Variants in EPHA5 observed in about 807,000 individuals in gnomAD.
EPHA5 encodes the protein ephrin type-A receptor 5.
EPHA5 carries 60 observed loss-of-function variants against 105.0 expected under a neutral mutation model. That is an observed-to-expected ratio of 0.57 (90% confidence interval 0.46 to 0.71). The LOEUF (loss-of-function observed/expected upper bound fraction) is 0.71. Ranked by LOEUF, EPHA5 falls within the 30% of genes least tolerant of loss-of-function variation. The probability of loss-of-function intolerance (pLI) is 0.00; values close to 1 mark genes in which losing one functional copy is unlikely to be tolerated. For missense variants in EPHA5, 1,218 were observed against 1,274.7 expected (o/e 0.96, Z 0.68); for synonymous variants, 513 against 449.1 (o/e 1.14, Z -1.80).
intron 1 of EPHA5, among the ~76,000 whole-genome samples, chr4:65,664,362 G>A (rs937049221): frequency 5.3e-5 from 8 of 151,768 alleles, no homozygotes; most frequent in Non-Finnish European, 1.0e-4. Flanking sequence ...TATCTCTAAT[G>A]CATCTCACTC....
At position 65,367,409 on chromosome 4, in the gene EPHA5, G is replaced by A. The variant is rs776123929; in HGVS notation, c.1809C>T (p.Ser603=). 1 of 1,611,802 alleles carries A rather than the reference G, an allele frequency of 6.2e-7. No individual in the cohort carries two copies. The highest frequency in any genetic ancestry group is 8.5e-7 in the Non-Finnish European group (1 of 1,179,036). ...CCTCTTCTGGATCTTGTTTTGCTTT[G>A]CTGTAGCCACACCGCCTGGAACAAA... ...VLLSGRRCGY[S]KAKQDPEEEK... The change falls in exon 9 of 17, where the codon AGC becomes AGT. Residue 603 remains serine (S), a synonymous_variant. Transcript: ENST00000613740.
At chr4:65,453,163 C>A (rs548687591) in intron 5 of EPHA5, among the ~76,000 whole-genome samples, 3 of 152,152 alleles carry the variant, frequency 2.0e-5, no homozygotes, top group African/African-American at 7.2e-5. Flanking sequence ...AAAAGTTATA[C>A]CTACTTAAAA....
intron 5 of EPHA5, among the ~76,000 whole-genome samples, chr4:65,438,415 T>C (rs2149079747): frequency 6.6e-6 from 1 of 152,012 alleles, no homozygotes; most frequent in Non-Finnish European, 1.5e-5. Flanking sequence ...TTTAAATATA[T>C]ACACACACAT....
intron 16 of EPHA5, chr4:65,331,568 T>C (rs1461166168): frequency 4.7e-6 from 5 of 1,058,280 alleles, no homozygotes; most frequent in Non-Finnish European, 5.7e-6. Flanking sequence ...AGCCAAAATG[T>C]ACAAATATGT....
chr4:65,331,635 T>C (rs1325174466), intron 16 of EPHA5: 1 of 1,080,040 alleles, frequency 9.3e-7, no homozygotes, highest in African/African-American at 1.6e-5. Context: ...TTTTGTTTTG[T>C]ATTTACATTC....
intron 2 of EPHA5, among the ~76,000 whole-genome samples, chr4:65,613,896 T>C (rs1040449896): frequency 6.6e-6 from 1 of 152,002 alleles, no homozygotes; most frequent in East Asian, 1.9e-4. Flanking sequence ...ACAATAGGGA[T>C]TGACTATCTG....
intron 2 of EPHA5, among the ~76,000 whole-genome samples, chr4:65,638,254 T>C (rs1042873335): frequency 2.6e-5 from 4 of 152,292 alleles, no homozygotes; most frequent in Admixed American, 1.3e-4. Flanking sequence ...ATATCATCTG[T>C]ATTAGGCAAT....
In EPHA5 at chr4:65,602,207, G is replaced by C. The variant is rs2149441512; in HGVS notation, c.344C>G (p.Thr115Ser). The part of the protein sequence containing the change: ...MEQNQNNWLL[T>S]SWISNEGASR... Reference sequence around the variant, plus strand: ...AGCACCTTCATTGGAGATCCAACTGGTCAAAAGCCAGTTATTCTGATTCTG... The same window carrying C: ...AGCACCTTCATTGGAGATCCAACTGCTCAAAAGCCAGTTATTCTGATTCTG... Residue 115 changes from threonine (T) to serine (S), a missense_variant, in exon 3 of 17, where the codon ACC becomes AGC. Transcript: ENST00000613740. 1 of 1,613,728 alleles carries C rather than the reference G, an allele frequency of 6.2e-7. No individual in the cohort carries two copies.
chr4:65,405,945 C>G (rs538474539), intron 7 of EPHA5, among the ~76,000 whole-genome samples: 5 of 152,016 alleles, frequency 3.3e-5, no homozygotes, highest in Non-Finnish European at 7.4e-5. Context: ...AGAAACCCAT[C>G]CAGACTTCAC....
chr4:65,484,206 C>T (rs563581915), intron 5 of EPHA5, among the ~76,000 whole-genome samples: 31 of 152,048 alleles, frequency 2.0e-4, no homozygotes, highest in Non-Finnish European at 4.0e-4. Context: ...CGCTTTTTGG[C>T]AGAAGCAACA....
At chr4:65,337,446 CAA>C in intron 14 of EPHA5, among the ~76,000 whole-genome samples, 1 of 151,792 alleles carries the variant, frequency 6.6e-6, no homozygotes, top group East Asian at 1.9e-4. Flanking sequence ...TATTTTTTTT[CAA>C]AGACAATTTT....
chr4:65,471,885 C>G (rs556465106), intron 5 of EPHA5, among the ~76,000 whole-genome samples: 1 of 152,116 alleles, frequency 6.6e-6, no homozygotes, highest in Non-Finnish European at 1.5e-5. Flanking sequence ...TCCCTGGCCC[C>G]TCCCAAATCT....
chr4:65,666,723 C>T (rs182032707), intron 1 of EPHA5, among the ~76,000 whole-genome samples: 1 of 152,164 alleles, frequency 6.6e-6, no homozygotes, highest in African/African-American at 2.4e-5. Flanking sequence ...TTATAAATTG[C>T]TTAGAATTTA....
At chr4:65,636,918 G>C (rs577190928) in intron 2 of EPHA5, among the ~76,000 whole-genome samples, 21 of 152,146 alleles carry the variant, frequency 1.4e-4, no homozygotes, top group African/African-American at 4.6e-4. Flanking sequence ...AGAAGACTGA[G>C]GGAAATACAC....
At chr4:65,440,352 C>T (rs1319711080) in intron 5 of EPHA5, among the ~76,000 whole-genome samples, 3 of 151,922 alleles carry the variant, frequency 2.0e-5, no homozygotes, top group Non-Finnish European at 2.9e-5. Context: ...TAAAACAGGA[C>T]ACTCCAGAAC....
chr4:65,586,992 G>A (rs936037577), intron 3 of EPHA5, among the ~76,000 whole-genome samples: 1 of 152,016 alleles, frequency 6.6e-6, no homozygotes, highest in African/African-American at 2.4e-5. Flanking sequence ...TATTTTAATT[G>A]TACTATTTTG....
intron 7 of EPHA5, among the ~76,000 whole-genome samples, chr4:65,410,219 A>T (rs1046779398): frequency 6.6e-6 from 1 of 152,226 alleles, no homozygotes. Flanking sequence ...ATTATGGAAT[A>T]TTATTCAGTA....
chr4:65,329,155 G>T (rs1451439440), intron 16 of EPHA5, among the ~76,000 whole-genome samples: 2 of 151,262 alleles, frequency 1.3e-5, no homozygotes, highest in Non-Finnish European at 3.0e-5. Flanking sequence ...TATCCCTGTT[G>T]ACAATAACCC....
At chr4:65,453,366 T>A (rs1298647949) in intron 5 of EPHA5, among the ~76,000 whole-genome samples, 1 of 152,166 alleles carries the variant, frequency 6.6e-6, no homozygotes, top group African/African-American at 2.4e-5. Flanking sequence ...AGATTTTTAA[T>A]TCTCCAACTC....
Sources: allele counts gnomAD v4.1 joint callset (sites outside exome capture counted in the v4.1 genomes callset), GRCh38; gene constraint gnomAD v4.1.1; transcripts MANE v1.5; gene names NCBI Gene and HGNC (gene_info 2026-07-23, HGNC 2026-07-21).